NME7: variants seen among roughly 807,000 people sequenced by gnomAD.
NME7 encodes NME/NM23 family member 7.
A neutral mutation model predicts 49.1 loss-of-function variants in NME7; 41 were observed. The observed-to-expected ratio is 0.83, with a 90% CI of 0.65 to 1.08. The LOEUF (loss-of-function observed/expected upper bound fraction) is 1.08. NME7 is among the 50% of genes least tolerant of loss of function. The probability of loss-of-function intolerance (pLI) is 0.00; values close to 1 mark genes in which losing one functional copy is unlikely to be tolerated. For synonymous variants in NME7, 139 were observed against 150.6 expected (o/e 0.92, Z 0.56); for missense variants, 423 against 463.4 (o/e 0.91, Z 0.80).
chr1:169,213,670 C>A (rs958717708), intron 10 of NME7, among the ~76,000 whole-genome samples: 1 of 152,046 alleles, frequency 6.6e-6, no homozygotes, highest in Non-Finnish European at 1.5e-5. Flanking sequence ...AGAACAAGAA[C>A]TGAAAAATTT....
At chr1:169,215,250 G>A (rs752398719) in intron 10 of NME7, among the ~76,000 whole-genome samples, 4 of 152,118 alleles carry the variant, frequency 2.6e-5, no homozygotes, top group African/African-American at 7.2e-5. Flanking sequence ...ACCTCTTCTA[G>A]ATATCCAGCT....
intron 10 of NME7, among the ~76,000 whole-genome samples, chr1:169,213,862 C>T (rs1013486419): frequency 6.6e-6 from 1 of 151,684 alleles, no homozygotes; most frequent in African/African-American, 2.4e-5. Flanking sequence ...AACATACACA[C>T]ACATACAGGG....
chr1:169,346,426 G>C (rs1187441724), intron 1 of NME7, among the ~76,000 whole-genome samples: 2 of 152,128 alleles, frequency 1.3e-5, no homozygotes, highest in Non-Finnish European at 2.9e-5. Context: ...TCCGCTGACT[G>C]TCTTATTTCC....
Position 169,367,745 on chromosome 1 carries a change from G to C in NME7, c.-35C>G, listed in dbSNP as rs201280194. On this transcript the variant is annotated 5_prime_UTR_variant, in exon 1 of 12. Transcript: ENST00000367811. ...ATCTCAGCACTAGAAAATAGGTATC[G>C]TTGAGACAGGAAGACACCACCACCA... The C allele has an allele frequency of 1.2e-6, 2 of 1,613,720 alleles. No homozygotes were observed. The highest frequency in any genetic ancestry group is 1.1e-5 in the South Asian group (1 of 91,078).
intron 10 of NME7, among the ~76,000 whole-genome samples, chr1:169,194,069 C>T (rs1379729454): frequency 6.6e-6 from 1 of 151,666 alleles, no homozygotes; most frequent in Non-Finnish European, 1.5e-5. Flanking sequence ...AAGACTGATA[C>T]AAGGAGTAGG....
chr1:169,215,785 A>T (rs986671274), intron 10 of NME7, among the ~76,000 whole-genome samples: 1 of 152,358 alleles, frequency 6.6e-6, no homozygotes, highest in Admixed American at 6.5e-5. Flanking sequence ...CATAAAAAGA[A>T]GGAAATCCTG....
At chr1:169,138,521 G>A (rs528344735) in intron 11 of NME7, among the ~76,000 whole-genome samples, 302 of 152,082 alleles carry the variant, frequency 2.0e-3, no homozygotes, top group African/African-American at 6.9e-3. Context: ...ACTAGCCTGG[G>A]CAACATAGAA....
intron 11 of NME7, among the ~76,000 whole-genome samples, chr1:169,147,940 C>A (rs1658806137): frequency 6.6e-6 from 1 of 152,056 alleles, no homozygotes; most frequent in African/African-American, 2.4e-5. Context: ...ATTGCTCATA[C>A]AATATTATTT....
At chr1:169,181,661 C>T (rs1430851913) in intron 10 of NME7, among the ~76,000 whole-genome samples, 1 of 152,194 alleles carries the variant, frequency 6.6e-6, no homozygotes, top group Admixed American at 6.5e-5. Flanking sequence ...CTCTTCCCCT[C>T]CTTTTTAGAA....
intron 10 of NME7, among the ~76,000 whole-genome samples, chr1:169,217,993 A>T (rs1245304839): frequency 6.6e-6 from 1 of 152,036 alleles, no homozygotes; most frequent in Non-Finnish European, 1.5e-5. Flanking sequence ...TATGTACTAA[A>T]TTTCCTTAAG....
At chr1:169,193,893 C>T (rs1387472227) in intron 10 of NME7, among the ~76,000 whole-genome samples, 2 of 131,048 alleles carry the variant, frequency 1.5e-5, no homozygotes, top group African/African-American at 5.3e-5. Flanking sequence ...AAAACAGTAT[C>T]ACTTGTTAAA....
At chr1:169,175,063 A>G (rs577337696) in intron 10 of NME7, among the ~76,000 whole-genome samples, 2 of 151,852 alleles carry the variant, frequency 1.3e-5, no homozygotes, top group Non-Finnish European at 2.9e-5. Context: ...CACATTGTAC[A>G]GCTGTACAAA....
intron 7 of NME7, among the ~76,000 whole-genome samples, chr1:169,277,921 T>G (rs1414585284): frequency 1.4e-5 from 2 of 140,876 alleles, no homozygotes; most frequent in Non-Finnish European, 3.1e-5. Context: ...GTCTGTAAAG[T>G]ATTTTATTTC....
intron 11 of NME7, among the ~76,000 whole-genome samples, chr1:169,148,267 T>A (rs371296754): frequency 1.3e-5 from 2 of 152,180 alleles, no homozygotes; most frequent in Non-Finnish European, 2.9e-5. Context: ...CCTCCCCAAG[T>A]GCTAGGATTA....
chr1:169,237,825 T>C, intron 7 of NME7, 138 bp from the exon 8 acceptor site: 2 of 611,334 alleles, frequency 3.3e-6, no homozygotes, highest in Non-Finnish European at 5.8e-6. Flanking sequence ...CAAGAGAAAC[T>C]AAATTAAATC....
intron 10 of NME7, among the ~76,000 whole-genome samples, chr1:169,229,097 G>C (rs1394188206): frequency 6.6e-6 from 1 of 152,114 alleles, no homozygotes; most frequent in East Asian, 1.9e-4. Flanking sequence ...AAATTAAGCT[G>C]CATACAAGGA....
At chr1:169,147,547 C>A (rs188392326) in intron 11 of NME7, among the ~76,000 whole-genome samples, 8 of 152,178 alleles carry the variant, frequency 5.3e-5, no homozygotes, top group Non-Finnish European at 1.5e-5. Context: ...AACACTTAGA[C>A]CAATGCTTGG....
rs1402536236 is a variant in NME7, at chr1:169,355,163, A to C, written c.3+12545T>G. Among the ~76,000 whole-genome samples, 64 of 41,352 alleles carry C rather than the reference A, an allele frequency of 1.5e-3. 18 individuals carry two copies. The East Asian group carries it at 0.025, about 16-fold the overall frequency. 27.1% of individuals were successfully genotyped at this position (41,352 alleles called of 152,430 possible). A position where few individuals can be genotyped will look rare whatever the true frequency, so the allele number is the denominator to read the frequency against. On this transcript the variant is annotated intron_variant, in intron 1 of 11. Transcript: ENST00000367811. ...ATATATAATATACTATATATTATAG[A>C]TATAATATATAATATACTATATATT...
chr1:169,276,618 C>G (rs372402262), intron 7 of NME7, among the ~76,000 whole-genome samples: 4 of 131,538 alleles, frequency 3.0e-5, no homozygotes, highest in African/African-American at 1.0e-4. Context: ...ATCAATTTTG[C>G]TGATCCTTTC....
Sources: allele counts gnomAD v4.1 joint callset (sites outside exome capture counted in the v4.1 genomes callset), GRCh38; gene constraint gnomAD v4.1.1; transcripts MANE v1.5; gene names NCBI Gene and HGNC (gene_info 2026-07-23, HGNC 2026-07-21).